The following ATP6V0A1 variants were observed in gnomAD, a reference collection of about 807,000 sequenced individuals.
ATP6V0A1 encodes the protein V-type proton ATPase 116 kDa subunit a 1.
Under a neutral mutation model 105.4 loss-of-function variants are expected in ATP6V0A1, and 43 were observed. The observed-to-expected ratio is 0.41, with a 90% CI of 0.32 to 0.53. ATP6V0A1 has a LOEUF of 0.53. Among genes scored for constraint, ATP6V0A1 ranks in the 20% least tolerant of loss-of-function variants. The pLI is 0.30. For synonymous variants in ATP6V0A1, 362 were observed against 372.8 expected (o/e 0.97, Z 0.33); for missense variants, 676 against 1,051.1 (o/e 0.64, Z 4.93).
chr17:42,471,756 T>TG (rs1448963274), intron 5 of ATP6V0A1, among the ~76,000 whole-genome samples: 1 of 151,982 alleles, frequency 6.6e-6, no homozygotes, highest in Admixed American at 6.6e-5. Flanking sequence ...GGTGACTTAG[T>TG]CCAGGTGACA....
chr17:42,508,679 G>A (rs1599080652), intron 19 of ATP6V0A1, 90 bp downstream of exon 19: 5 of 1,547,448 alleles, frequency 3.2e-6, no homozygotes, highest in Non-Finnish European at 4.5e-6. Context: ...CCACACCCTG[G>A]GGCCATACAC....
chr17:42,508,496 C>G, intron 18 of ATP6V0A1, 76 bp from the exon 19 acceptor site: 13 of 1,578,876 alleles, frequency 8.2e-6, no homozygotes, highest in Non-Finnish European at 1.1e-5. Flanking sequence ...AAGAAGCATT[C>G]AGTAGCCTTG....
In ATP6V0A1 at chr17:42,478,550, A is replaced by G. The variant is rs766307302; in HGVS notation, c.594A>G (p.Arg198=). The G allele has an allele frequency of 1.5e-5, 24 of 1,604,392 alleles. No homozygotes were observed. The highest frequency in any genetic ancestry group is 1.9e-5 in the Non-Finnish European group (22 of 1,174,244). The change falls in exon 7 of 22, where the codon CGA becomes CGG. Residue 198 remains arginine (R), a synonymous_variant. Coordinates refer to ENST00000343619, the MANE Select transcript of ATP6V0A1 (RefSeq NM_001130021.3). ...WRVCRGNVFL[R]QAEIENPLED... ...TATGCCGGGGAAATGTGTTCCTGCG[A>G]CAGGCTGAAATCGAGAACCCCCTGG... is the stretch of plus-strand genomic sequence containing the variant.
chr17:42,489,715 T>C (rs924846083), intron 10 of ATP6V0A1, among the ~76,000 whole-genome samples: 1 of 151,938 alleles, frequency 6.6e-6, no homozygotes, highest in Non-Finnish European at 1.5e-5. Flanking sequence ...AGCTTATTGA[T>C]TGGGGAGAGA....
chr17:42,500,453 G>T (rs565515768), intron 15 of ATP6V0A1, among the ~76,000 whole-genome samples: 1 of 152,184 alleles, frequency 6.6e-6, no homozygotes, highest in African/African-American at 2.4e-5. Flanking sequence ...TGTACTCCAG[G>T]CTGGGTAGCA....
chr17:42,478,655 C>A, intron 7 of ATP6V0A1, 66 bp downstream of exon 7: 1 of 1,447,516 alleles, frequency 6.9e-7, no homozygotes, highest in Non-Finnish European at 9.3e-7. Flanking sequence ...AGTAACGTAG[C>A]ATGGGGCCAC....
At chr17:42,494,277 G>A (rs2090947896) in intron 11 of ATP6V0A1, 57 bp from the exon 12 acceptor site, 3 of 1,481,638 alleles carry the variant, frequency 2.0e-6, no homozygotes, top group Admixed American at 2.0e-5. Context: ...TGTAATATTT[G>A]TGGAATTGCT....
chr17:42,470,105 A>G lies in ATP6V0A1; in HGVS notation c.310A>G (p.Ile104Val). 1 of 1,606,630 alleles carries G rather than the reference A, an allele frequency of 6.2e-7. No individual in the cohort carries two copies. The highest frequency in any genetic ancestry group is 1.1e-5 in the South Asian group (1 of 90,190). The part of the protein sequence containing the change: ...MIDLEANFEK[I>V]ENELKEINTN... ...TTTCATCTAGGCCAATTTTGAGAAG[A>G]TTGAAAATGAACTGAAGGAAATCAA... Residue 104 changes from isoleucine (I) to valine (V), a missense_variant, in exon 5 of 22, where the codon ATT becomes GTT. Around this residue, in one of 3 missense-constraint regions of ATP6V0A1, gnomAD observed 239 missense variants for 388.4 expected, o/e 0.62. Coordinates refer to ENST00000343619, the MANE Select transcript of ATP6V0A1 (RefSeq NM_001130021.3).
intron 5 of ATP6V0A1, chr17:42,471,122 C>CAA (rs905509796): frequency 2.3e-5 from 3 of 132,918 alleles, no homozygotes; most frequent in Non-Finnish European, 1.6e-5. Flanking sequence ...GACTCTATCT[C>CAA]AAAAAAAAAA....
intron 9 of ATP6V0A1, among the ~76,000 whole-genome samples, chr17:42,486,179 G>A (rs1032042306): frequency 9.9e-5 from 15 of 152,252 alleles, no homozygotes; most frequent in South Asian, 4.1e-4. Flanking sequence ...TTGGGAGGCC[G>A]AGGTGGGTGG....
rs201650789 is a variant in ATP6V0A1 at position 42,521,096 on chromosome 17, T to C, written c.2490T>C (p.Ile830=). 65 of 1,609,582 alleles carry C rather than the reference T, an allele frequency of 4.0e-5. No homozygotes were observed. The highest frequency in any genetic ancestry group is 5.3e-5 in the Non-Finnish European group (62 of 1,177,994). ...FKFLPFSFEH[I]REGKFEE is the part of the protein sequence containing the mutation. ...TCTTACCCTTCTCCTTCGAGCATATTCGGGAAGGGAAGTTTGAAGAGTGAG... is the reference window on the plus strand; with the variant it reads ...TCTTACCCTTCTCCTTCGAGCATATCCGGGAAGGGAAGTTTGAAGAGTGAG... Residue 830 remains isoleucine, a synonymous_variant, in exon 22 of 22, where the codon ATT becomes ATC. Coordinates refer to ENST00000343619, the MANE Select transcript of ATP6V0A1 (RefSeq NM_001130021.3). The surrounding 1 kb of genome is among the most constrained non-coding windows in gnomAD (Gnocchi z 4.8).
intron 1 of ATP6V0A1, among the ~76,000 whole-genome samples, chr17:42,459,384 G>A (rs1450928408): frequency 6.6e-6 from 1 of 152,220 alleles, no homozygotes; most frequent in Non-Finnish European, 1.5e-5. Context: ...CGGATGACAG[G>A]AGTGAGATTC....
chr17:42,484,662 C>T (rs2089920719), intron 9 of ATP6V0A1, among the ~76,000 whole-genome samples: 1 of 152,074 alleles, frequency 6.6e-6, no homozygotes, highest in Admixed American at 6.6e-5. Context: ...GAGTTGTGAA[C>T]TGTGTGTACA....
intron 2 of ATP6V0A1, among the ~76,000 whole-genome samples, chr17:42,465,849 C>A (rs2086987550): frequency 6.6e-6 from 1 of 151,666 alleles, no homozygotes; most frequent in Non-Finnish European, 1.5e-5. Flanking sequence ...ACCTGTAATC[C>A]CAGCTACTCA....
chr17:42,522,526 G>T lies in ATP6V0A1; in HGVS notation c.*1406G>T, dbSNP rs1237318440. The T allele has an allele frequency of 6.6e-6, 1 of 152,518 alleles. No homozygotes were observed. The highest frequency in any genetic ancestry group is 1.5e-5 in the Non-Finnish European group (1 of 68,180). The allele number at this position is 152,518 out of a possible 1,614,324, so 9.4% of individuals were successfully genotyped here. A position where few individuals can be genotyped will look rare whatever the true frequency, so the allele number is the denominator to read the frequency against. On this transcript the variant is annotated 3_prime_UTR_variant, in exon 22 of 22. Coordinates refer to ENST00000343619, the MANE Select transcript of ATP6V0A1 (RefSeq NM_001130021.3). ...CAGAGTTCAGGGAACCCTGCCCAAG[G>T]TCCTCCTGTTCAGACATTCCTATGT...
Position 42,507,602 on chromosome 17 carries a change from C to T in ATP6V0A1, c.2087C>T (p.Ser696Phe). ...GAGATTATTCAGCATGACCAGCTCT[C>T]CACCCACTCAGAGGACGCAGACGAG... ...DAEIIQHDQL[S>F]THSEDADEPS... Residue 696 changes from serine to phenylalanine, a missense_variant, in exon 18 of 22, where the codon TCC becomes TTC. Around this residue, in one of 3 missense-constraint regions of ATP6V0A1, gnomAD observed 435 missense variants for 642.2 expected, o/e 0.68. Transcript: ENST00000343619. 1 of 1,614,000 alleles carries T rather than the reference C, an allele frequency of 6.2e-7. No homozygotes were observed. The highest frequency in any genetic ancestry group is 8.5e-7 in the Non-Finnish European group (1 of 1,179,966).
chr17:42,507,985 T>G (rs990042396), intron 18 of ATP6V0A1, among the ~76,000 whole-genome samples: 2 of 152,182 alleles, frequency 1.3e-5, no homozygotes, highest in African/African-American at 2.4e-5. Flanking sequence ...AGCTTCTTCA[T>G]CCATTGACCC....
intron 3 of ATP6V0A1, among the ~76,000 whole-genome samples, chr17:42,467,141 C>T (rs552565244): frequency 5.2e-5 from 3 of 57,688 alleles, no homozygotes; most frequent in East Asian, 1.1e-3. Flanking sequence ...AGCGAGACTC[C>T]GTCTCAAAAA....
At chr17:42,463,700 C>A (rs2086704861) in intron 2 of ATP6V0A1, among the ~76,000 whole-genome samples, 1 of 152,062 alleles carries the variant, frequency 6.6e-6, no homozygotes, top group South Asian at 2.1e-4. Flanking sequence ...CTTGAAAATG[C>A]AGGGGTTAGG....
Sources: gnomAD v4.1 joint callset for allele counts (sites outside exome capture counted in the v4.1 genomes callset) on GRCh38, gnomAD v4.1.1 for gene constraint, gnomAD v4.1.1 regional missense constraint, Gnocchi (gnomAD v3.1) non-coding constraint, MANE v1.5 for transcripts, NCBI Gene and HGNC (gene_info 2026-07-23, HGNC 2026-07-21) for gene names.